Variants in PSME4 observed in about 807,000 individuals in gnomAD.
PSME4 encodes proteasome activator complex subunit 4.
A neutral mutation model predicts 253.9 loss-of-function variants in PSME4; 89 were observed. The observed-to-expected ratio is 0.35, with a 90% CI of 0.30 to 0.42. The LOEUF is 0.42. Ranked by LOEUF, PSME4 falls within the 10% of genes least tolerant of loss-of-function variation. PSME4 has a pLI of 1.00. For synonymous variants in PSME4, 851 were observed against 759.2 expected, an observed-to-expected ratio of 1.12 and a Z score of -1.99; for missense variants, 2,014 against 2,195.2, an observed-to-expected ratio of 0.92 and a Z score of 1.65.
chr2:53,870,151 ATTTG>A (rs1046834334), intron 43 of PSME4: 21 of 152,332 alleles, frequency 1.4e-4, no homozygotes, highest in Admixed American at 5.9e-4. Flanking sequence ...AATCACAAAC[ATTTG>A]TTTAATATTC....
Position 53,875,582 on chromosome 2 carries a change from A to G in PSME4, c.4944+45T>C, listed in dbSNP as rs747286925. The G allele has an allele frequency of 7.1e-6, 11 of 1,557,854 alleles. No homozygotes were observed. In the Admixed American group the frequency reaches 1.0e-4, roughly 14 times the overall value. The stretch of plus-strand genomic sequence containing the variant: ...CTGACTGAAATTCTTAGAATGGTAA[A>G]CCAAAATCCTAATCAAAAGACATAA... On this transcript the variant is annotated intron_variant, in intron 42 of 46. Transcript: ENST00000404125.
At position 53,940,927 on chromosome 2, in the gene PSME4, TAATAC is replaced by T. The variant is rs1558413401; in HGVS notation, c.501-932_501-928del. Among the ~76,000 whole-genome samples the T allele has an allele frequency of 3.4e-3, 336 of 99,654 alleles. 36 individuals are homozygous for T. The highest frequency in any genetic ancestry group is 0.011 in the African/African-American group (321 of 28,510). The allele number at this position is 99,654 out of a possible 152,430, so 65.4% of individuals were successfully genotyped here. A position where few individuals can be genotyped will look rare whatever the true frequency, so the allele number is the denominator to read the frequency against. On this transcript the variant is annotated intron_variant, in intron 3 of 46. Transcript: ENST00000404125. ...TATAATACATATTTAAATATATATA[TAATAC>T]ATATATAAATATATATATACATATA...
intron 8 of PSME4, 65 bp downstream of exon 8, chr2:53,934,540 A>C (rs1669015824): frequency 2.0e-6 from 3 of 1,513,790 alleles, no homozygotes; most frequent in African/African-American, 1.4e-5. Flanking sequence ...GACTATCCAC[A>C]ATTTTTGTAA....
rs542588607 is a variant in PSME4 at position 53,965,420 on chromosome 2, C to T, written c.242+5123G>A. 6.6e-5 allele frequency among the ~76,000 whole-genome samples: 10 copies of T among 152,042 alleles called. No homozygotes were observed. In the South Asian group the frequency reaches 8.3e-4, roughly 13 times the overall value. ...CTAAATTTTGTATTTTTAGTAGAGACAGGGTTTCACCATGTTGGCCAAGGA... is the reference window on the plus strand; with the variant it reads ...CTAAATTTTGTATTTTTAGTAGAGATAGGGTTTCACCATGTTGGCCAAGGA... On this transcript the variant is annotated intron_variant, in intron 1 of 46. Coordinates refer to ENST00000404125, the MANE Select transcript of PSME4 (RefSeq NM_014614.3).
At chr2:53,965,040 T>C (rs550589670) in intron 1 of PSME4, among the ~76,000 whole-genome samples, 3 of 152,030 alleles carry the variant, frequency 2.0e-5, no homozygotes, top group Non-Finnish European at 4.4e-5. Context: ...ATTTGCTTCA[T>C]CTTACACCAA....
intron 12 of PSME4, among the ~76,000 whole-genome samples, 167 bp from the exon 13 acceptor site, chr2:53,926,190 AC>A (rs1310770070): frequency 6.6e-6 from 1 of 152,222 alleles, no homozygotes; most frequent in Non-Finnish European, 1.5e-5. Flanking sequence ...TCAATTTAGA[AC>A]AACTTCATCT....
intron 1 of PSME4, among the ~76,000 whole-genome samples, chr2:53,956,667 A>T (rs1369790080): frequency 6.6e-6 from 1 of 151,756 alleles, no homozygotes. Context: ...CCGCCTCCCA[A>T]GTTTAAGCGA....
intron 1 of PSME4, among the ~76,000 whole-genome samples, chr2:53,969,017 G>A (rs1405467584): frequency 6.6e-6 from 1 of 152,118 alleles, no homozygotes; most frequent in African/African-American, 2.4e-5. Context: ...GTATTCTCTG[G>A]CAAGTCTAAT....
chr2:53,893,187 T>A (rs1679988720), intron 35 of PSME4, among the ~76,000 whole-genome samples: 2 of 152,210 alleles, frequency 1.3e-5, no homozygotes, highest in South Asian at 4.1e-4. Flanking sequence ...TCTCTAAGTA[T>A]CACACCTCAA....
At chr2:53,923,252 T>C (rs978247677) in intron 15 of PSME4, 69 bp downstream of exon 15, 3 of 1,509,270 alleles carry the variant, frequency 2.0e-6, no homozygotes, top group Non-Finnish European at 2.7e-6. Flanking sequence ...GAAGCACCTC[T>C]AATAATTAAC....
At chr2:53,898,427 A>G in intron 29 of PSME4, 73 bp from the exon 30 acceptor site, 1 of 1,208,218 alleles carries the variant, frequency 8.3e-7, no homozygotes, top group East Asian at 2.6e-5. Context: ...AGAAATTCAA[A>G]TTCTAGCCAA....
chr2:53,932,798 T>A, intron 8 of PSME4, 38 bp from the exon 9 acceptor site: 5 of 1,515,150 alleles, frequency 3.3e-6, no homozygotes, highest in Non-Finnish European at 4.6e-6. Context: ...AGTACCCACA[T>A]CATACTGTAA....
intron 20 of PSME4, among the ~76,000 whole-genome samples, chr2:53,915,301 C>T (rs1467849861): frequency 2.6e-5 from 4 of 152,102 alleles, no homozygotes; most frequent in African/African-American, 9.7e-5. Flanking sequence ...ATTAGCTGGG[C>T]ATGGTGACCC....
intron 1 of PSME4, among the ~76,000 whole-genome samples, chr2:53,958,004 A>G (rs805335): frequency 0.55 from 82,979 of 151,662 alleles, 23,090 homozygotes; most frequent in East Asian, 0.72. Flanking sequence ...TGACCAACAC[A>G]GAGAAACCCT....
intron 46 of PSME4, chr2:53,865,806 A>AT (rs1347267912): frequency 3.6e-5 from 12 of 331,076 alleles, no homozygotes; most frequent in Middle Eastern, 8.5e-4. Context: ...AATAAGATGT[A>AT]TTTTCCTTTA....
chr2:53,920,137 A>G, intron 19 of PSME4, 56 bp downstream of exon 19: 1 of 1,457,598 alleles, frequency 6.9e-7, no homozygotes, highest in Non-Finnish European at 9.2e-7. Context: ...AGATAAAGCC[A>G]AAAAAGACTT....
At chr2:53,882,581 T>C (rs1343144844) in intron 41 of PSME4, among the ~76,000 whole-genome samples, 2 of 152,152 alleles carry the variant, frequency 1.3e-5, no homozygotes, top group East Asian at 1.9e-4. Context: ...TAGATGCCCA[T>C]GATTACCTAA....
At position 53,875,614 on chromosome 2, in the gene PSME4, T is replaced by A. The variant is rs199536261; in HGVS notation, c.4944+13A>T. ...TCCTAATCAAAAGACATAAATATTATAAACACTCTTACTTGTTTTAGCACC... is the reference window on the plus strand; with the variant it reads ...TCCTAATCAAAAGACATAAATATTAAAAACACTCTTACTTGTTTTAGCACC... On this transcript the variant is annotated intron_variant, in intron 42 of 46. Transcript: ENST00000404125. 6.3e-7 allele frequency: 1 copy of A among 1,596,502 alleles called. No homozygotes were observed. The highest frequency in any genetic ancestry group is 8.5e-7 in the Non-Finnish European group (1 of 1,174,484).
At position 53,925,825 on chromosome 2, in the gene PSME4, T is replaced by G. The variant is rs1668533089; in HGVS notation, c.1658+134A>C. On this transcript the variant is annotated intron_variant, in intron 13 of 46. Transcript: ENST00000404125. ...ATTTCTACGTGGTTCACAAATCGAT[T>G]ATCCTTTTATAACTTCAGGAGCACC... is the stretch of plus-strand genomic sequence containing the variant. The G allele has an allele frequency of 2.0e-5, 25 of 1,251,070 alleles. No homozygotes were observed. In the Admixed American group the frequency reaches 5.0e-4, roughly 25 times the overall value. The allele number at this position is 1,251,070 out of a possible 1,614,324, so 77.5% of individuals were successfully genotyped here.
Sources: allele counts gnomAD v4.1 joint callset (sites outside exome capture counted in the v4.1 genomes callset), GRCh38; gene constraint gnomAD v4.1.1; transcripts MANE v1.5; gene names NCBI Gene and HGNC (gene_info 2026-07-23, HGNC 2026-07-21).